Variants in TNRC6B observed in about 807,000 individuals in gnomAD.
TNRC6B encodes the protein trinucleotide repeat containing adaptor 6B, also known as trinucleotide repeat-containing gene 6B protein.
A neutral mutation model predicts 203.6 loss-of-function variants in TNRC6B; 52 were observed. The observed-to-expected ratio is 0.26, with a 90% CI of 0.20 to 0.32. The LOEUF (loss-of-function observed/expected upper bound fraction) is 0.32, where lower values mean the gene tolerates loss of function less well. Among genes scored for constraint, TNRC6B ranks in the 10% least tolerant of loss-of-function variants. TNRC6B has a pLI of 1.00. For synonymous variants in TNRC6B, 838 were observed against 845.7 expected, an observed-to-expected ratio of 0.99 and a Z score of 0.16; for missense variants, 1,923 against 2,286.2, an observed-to-expected ratio of 0.84 and a Z score of 3.24.
At chr22:40,204,593 G>A (rs1459736919) in intron 1 of TNRC6B, among the ~76,000 whole-genome samples, 2 of 152,210 alleles carry the variant, frequency 1.3e-5, no homozygotes, top group African/African-American at 4.8e-5. Context: ...GGGTTTCAAT[G>A]TTTGCACCAC....
intron 4 of TNRC6B, among the ~76,000 whole-genome samples, chr22:40,164,919 T>A (rs899695576): frequency 2.0e-5 from 3 of 151,270 alleles, no homozygotes; most frequent in African/African-American, 7.3e-5. Flanking sequence ...GTAGCTGGGA[T>A]TACACATACC....
At chr22:40,207,426 T>A (rs1442074471) in intron 1 of TNRC6B, among the ~76,000 whole-genome samples, 1,024 of 83,856 alleles carry the variant, frequency 0.012, 8 homozygotes, top group Non-Finnish European at 0.015. Flanking sequence ...AAAATATATA[T>A]ATATATATAT....
chr22:40,276,698 A>T (rs1052527860), intron 7 of TNRC6B: 4 of 158,810 alleles, frequency 2.5e-5, no homozygotes, highest in African/African-American at 9.6e-5. Flanking sequence ...ACTGACATCA[A>T]ACTGTTTTCT....
chr22:40,272,477 CA>C (rs1418392332), intron 6 of TNRC6B, among the ~76,000 whole-genome samples: 2 of 152,178 alleles, frequency 1.3e-5, no homozygotes, highest in Non-Finnish European at 2.9e-5. Flanking sequence ...AAGCTATGTA[CA>C]AATCAGAAGA....
At chr22:40,097,029 C>A (rs1182211846) in intron 1 of TNRC6B, among the ~76,000 whole-genome samples, 4 of 152,170 alleles carry the variant, frequency 2.6e-5, no homozygotes, top group Admixed American at 6.5e-5. Flanking sequence ...ACAGAGACCC[C>A]ATCCTTACCT....
At chr22:40,319,569 C>T (rs1339656337) in intron 21 of TNRC6B, among the ~76,000 whole-genome samples, 6 of 151,816 alleles carry the variant, frequency 4.0e-5, no homozygotes, top group East Asian at 1.9e-4. Context: ...GGACTACAGG[C>T]GCCAGCCACA....
chr22:40,215,698 T>C (rs2069625853), intron 1 of TNRC6B, among the ~76,000 whole-genome samples: 1 of 152,298 alleles, frequency 6.6e-6, no homozygotes, highest in South Asian at 2.1e-4. Flanking sequence ...ACCTTAGTGT[T>C]CTCTCTCTCC....
chr22:40,311,675 G>A lies in TNRC6B; in HGVS notation c.4435+682G>A, dbSNP rs370848296. 8.5e-5 allele frequency among the ~76,000 whole-genome samples: 13 copies of A among 152,074 alleles called. No homozygotes were observed. The East Asian group carries it at 1.9e-3, about 23-fold the overall frequency. Reference sequence around the variant, plus strand: ...TCCTGCCTCAGCCTCCCAAGTACCTGGGATTACAGGCGCCTGCTACCACGC... The same window carrying A: ...TCCTGCCTCAGCCTCCCAAGTACCTAGGATTACAGGCGCCTGCTACCACGC... On this transcript the variant is annotated intron_variant, in intron 17 of 22. Transcript: ENST00000454349.
At chr22:40,202,048 A>G (rs1306133315) in intron 1 of TNRC6B, among the ~76,000 whole-genome samples, 1 of 152,160 alleles carries the variant, frequency 6.6e-6, no homozygotes, top group African/African-American at 2.4e-5. Context: ...ACTAGGAAAT[A>G]CTTTTGTCTC....
chr22:40,266,386 C>T lies in TNRC6B; in HGVS notation c.2156C>T (p.Pro719Leu), dbSNP rs377449041. Residue 719 changes from proline (P) to leucine (L), a missense_variant, in exon 5 of 23, where the codon CCT becomes CTT. Pro to Leu is a moderately conservative substitution (Grantham distance 98). Coordinates refer to ENST00000454349, the MANE Select transcript of TNRC6B (RefSeq NM_001162501.2). ...GGAGGACGACCTGATGAAAAGACAC[C>T]TTCCTCTTGGAATGAGAATCCCAGC... is the stretch of plus-strand genomic sequence containing the variant. ...WGGGRPDEKT[P>L]SSWNENPSKD... is the part of the protein sequence containing the mutation. 1.3e-5 allele frequency: 21 copies of T among 1,613,550 alleles called. No homozygotes were observed. Among genetic ancestry groups the T allele is most frequent in the African/African-American group, 4.0e-5 (3 of 74,906 alleles).
At chr22:40,150,241 G>T (rs2146346493) in intron 3 of TNRC6B, among the ~76,000 whole-genome samples, 1 of 152,266 alleles carries the variant, frequency 6.6e-6, no homozygotes, top group South Asian at 2.1e-4. Context: ...AGCCAGGCGT[G>T]GTCGTGGGCG....
intron 1 of TNRC6B, among the ~76,000 whole-genome samples, chr22:40,088,339 C>T (rs1229686411): frequency 6.6e-6 from 1 of 152,202 alleles, no homozygotes; most frequent in Non-Finnish European, 1.5e-5. Flanking sequence ...TCTGTTCTTC[C>T]ACTTACTATG....
At chr22:40,089,419 G>A (rs1012330009) in intron 1 of TNRC6B, among the ~76,000 whole-genome samples, 1 of 152,032 alleles carries the variant, frequency 6.6e-6, no homozygotes, top group Non-Finnish European at 1.5e-5. Flanking sequence ...TTTTAGTAGA[G>A]ATGGGGCTTC....
chr22:40,161,655 T>C (rs930310215), intron 4 of TNRC6B, among the ~76,000 whole-genome samples: 6 of 152,238 alleles, frequency 3.9e-5, no homozygotes, highest in African/African-American at 1.4e-4. Context: ...ACTATTAATA[T>C]TCTAGATCAG....
At chr22:40,074,677 G>T (rs538327391) in intron 1 of TNRC6B, among the ~76,000 whole-genome samples, 1 of 152,034 alleles carries the variant, frequency 6.6e-6, no homozygotes, top group Non-Finnish European at 1.5e-5. Flanking sequence ...TACCTGGGAG[G>T]CTGAGGCAGG....
chr22:40,172,495 T>G (rs2069010891), intron 4 of TNRC6B, among the ~76,000 whole-genome samples: 1 of 152,230 alleles, frequency 6.6e-6, no homozygotes, highest in Non-Finnish European at 1.5e-5. Context: ...CATCCTTGTA[T>G]TGTTGGTGTA....
rs1445484543 is a variant in TNRC6B at position 40,161,166 on chromosome 22, T to C, written c.113+4984T>C. On this transcript the variant is annotated intron_variant, in intron 4 of 23. Coordinates refer to the TNRC6B transcript ENST00000301923. Reference sequence around the variant, plus strand: ...CAGCCTTTCTGGCTTTCATGTTTTATGCTTGCCTTGAGAAGTCTTTCCTAT... The same window carrying C: ...CAGCCTTTCTGGCTTTCATGTTTTACGCTTGCCTTGAGAAGTCTTTCCTAT... 2.6e-5 allele frequency among the ~76,000 whole-genome samples: 4 copies of C among 152,352 alleles called. No individual in the cohort carries two copies. The East Asian group carries it at 7.7e-4, about 29-fold the overall frequency.
chr22:40,075,054 C>T (rs1753369761), intron 1 of TNRC6B, among the ~76,000 whole-genome samples: 2 of 148,520 alleles, frequency 1.3e-5, no homozygotes, highest in Non-Finnish European at 3.0e-5. Flanking sequence ...TCTATGTGTA[C>T]CTGAAAAAAA....
At chr22:40,051,220 A>T (rs968842397) in intron 1 of TNRC6B, among the ~76,000 whole-genome samples, 1 of 152,142 alleles carries the variant, frequency 6.6e-6, no homozygotes, top group Non-Finnish European at 1.5e-5. Flanking sequence ...ATAGATTCCA[A>T]AATTGCTGAA....
Sources: gnomAD v4.1 joint callset for allele counts (sites outside exome capture counted in the v4.1 genomes callset) on GRCh38, gnomAD v4.1.1 for gene constraint, MANE v1.5 for transcripts, NCBI Gene and HGNC (gene_info 2026-07-23, HGNC 2026-07-21) for gene names.